The following TRDN variants were observed in gnomAD, a reference collection of about 807,000 sequenced individuals.
TRDN encodes the protein triadin, also known as triadin in skeletal muscle.
In TRDN, 161 loss-of-function variants were observed where a neutral mutation model predicts 149.7. The observed-to-expected ratio is 1.08, with a 90% confidence interval of 0.95 to 1.23. TRDN has a LOEUF of 1.23. Among genes scored for constraint, TRDN ranks in the 50% most tolerant of loss-of-function variants. The pLI is 0.00. For missense variants in TRDN, 896 were observed against 823.5 expected (o/e 1.09, Z -1.08); for synonymous variants, 294 against 250.5 (o/e 1.17, Z -1.64).
chr6:123,268,253 C>T (rs1285753482), intron 31 of TRDN, among the ~76,000 whole-genome samples: 2 of 151,944 alleles, frequency 1.3e-5, no homozygotes, highest in Non-Finnish European at 2.9e-5. Context: ...GAGAGTGCCA[C>T]ATTTTGTATT....
Position 123,225,872 on chromosome 6 carries a change from G to A in TRDN, c.1976-1741C>T, listed in dbSNP as rs74821659. ...TGAGGCAATTCTAATGCAATATAAC[G>A]GAATGATGCTTTAATTTTTAACATT... On this transcript the variant is annotated intron_variant, in intron 38 of 40. Coordinates refer to ENST00000334268, the MANE Select transcript of TRDN (RefSeq NM_006073.4). Among the ~76,000 whole-genome samples, 108 of 151,698 alleles carry A rather than the reference G, an allele frequency of 7.1e-4. 2 individuals are homozygous for A. In the East Asian group the frequency reaches 0.019, roughly 27 times the overall value.
chr6:123,531,552 G>A (rs1383750679), intron 4 of TRDN, among the ~76,000 whole-genome samples: 1 of 152,064 alleles, frequency 6.6e-6, no homozygotes, highest in Non-Finnish European at 1.5e-5. Context: ...AACCACCATT[G>A]TGAAGGTTTT....
chr6:123,570,858 AG>A lies in TRDN; in HGVS notation c.232+64del, dbSNP rs1453147583. On this transcript the variant is annotated intron_variant, in intron 2 of 40. Coordinates refer to ENST00000334268, the MANE Select transcript of TRDN (RefSeq NM_006073.4). ...GAAACAGAAACCAAGCAGGAACTGGAGGGGACACTGTTTCTTTCCATTTGAA... is the reference window on the plus strand; with the variant it reads ...GAAACAGAAACCAAGCAGGAACTGGAGGGACACTGTTTCTTTCCATTTGAA... 2.7e-6 allele frequency: 4 copies of A among 1,465,712 alleles called. No individual in the cohort carries two copies. The Admixed American group carries it at 5.2e-5, about 19-fold the overall frequency. 90.8% of individuals were successfully genotyped at this position (1,465,712 alleles called of 1,614,324 possible).
intron 40 of TRDN, among the ~76,000 whole-genome samples, chr6:123,221,249 C>T (rs573543440): frequency 2.6e-4 from 39 of 151,856 alleles, no homozygotes; most frequent in African/African-American, 8.9e-4. Flanking sequence ...GAAGGATTTG[C>T]GATAAATGCC....
intron 16 of TRDN, among the ~76,000 whole-genome samples, chr6:123,379,569 T>C (rs1339748866): frequency 6.6e-6 from 1 of 152,146 alleles, no homozygotes; most frequent in African/African-American, 2.4e-5. Context: ...GGAAGCAGAT[T>C]TGGACATGCA....
intron 10 of TRDN, chr6:123,464,128 CAG>C (rs1562327626): frequency 2.2e-6 from 1 of 461,868 alleles, no homozygotes; most frequent in African/African-American, 2.1e-5. Context: ...TGAGTCTTGA[CAG>C]AGAAGGAACT....
intron 20 of TRDN, among the ~76,000 whole-genome samples, chr6:123,354,910 A>T (rs1336158955): frequency 2.0e-5 from 3 of 151,740 alleles, no homozygotes; most frequent in Non-Finnish European, 4.4e-5. Flanking sequence ...AAATAAAATA[A>T]ATAAAATAAC....
At chr6:123,394,336 A>C (rs1772634547) in intron 12 of TRDN, among the ~76,000 whole-genome samples, 2 of 152,186 alleles carry the variant, frequency 1.3e-5, no homozygotes, top group South Asian at 2.1e-4. Context: ...TAAACATTTA[A>C]ATATACTTAA....
chr6:123,254,990 T>C (rs1271715044), intron 37 of TRDN, 91 bp downstream of exon 37: 11 of 803,838 alleles, frequency 1.4e-5, no homozygotes, highest in Non-Finnish European at 2.2e-5. Flanking sequence ...TCTAGATTTC[T>C]TTGTTCCAAA....
intron 12 of TRDN, among the ~76,000 whole-genome samples, chr6:123,397,273 G>A (rs1772771581): frequency 6.6e-6 from 1 of 152,170 alleles, no homozygotes; most frequent in African/African-American, 2.4e-5. Context: ...ATGAGTAGCA[G>A]CAGATGGTAA....
At chr6:123,443,257 C>G (rs1775045497) in intron 10 of TRDN, among the ~76,000 whole-genome samples, 1 of 144,014 alleles carries the variant, frequency 6.9e-6, no homozygotes. Flanking sequence ...TTTTTTTGGA[C>G]AAGTGATGAT....
Position 123,273,006 on chromosome 6 carries a change from C to G in TRDN, c.1630G>C (p.Asp544His). 1 of 1,507,638 alleles carries G rather than the reference C, an allele frequency of 6.6e-7. No homozygotes were observed. The highest frequency in any genetic ancestry group is 1.3e-5 in the South Asian group (1 of 76,042). The allele number at this position is 1,507,638 out of a possible 1,614,324, so 93.4% of individuals were successfully genotyped here. ...ACAGTCTTTTCTGGTTTCACTATGT[C>G]TTGTTCTGAAAATAATAAAAAGAAA... ...ISEKVQIHKQDIVKPEKTVSH... is the reference protein window; with the variant it reads ...ISEKVQIHKQHIVKPEKTVSH... Residue 544 changes from aspartate (D) to histidine (H), a missense_variant, in exon 29 of 41, where the codon GAC becomes CAC. By Grantham distance (81) the Asp-to-His change is moderately conservative. Coordinates refer to ENST00000334268, the MANE Select transcript of TRDN (RefSeq NM_006073.4).
chr6:123,490,961 A>T (rs1383984756), intron 9 of TRDN, among the ~76,000 whole-genome samples: 1 of 151,904 alleles, frequency 6.6e-6, no homozygotes, highest in African/African-American at 2.4e-5. Flanking sequence ...AAAAAATTAG[A>T]TGGGCACGGT....
At chr6:123,256,479 C>T (rs1458574178) in intron 35 of TRDN, among the ~76,000 whole-genome samples, 1 of 152,156 alleles carries the variant, frequency 6.6e-6, no homozygotes, top group East Asian at 1.9e-4. Context: ...ATCTCCACAT[C>T]ATCTCCAGCA....
At chr6:123,460,744 A>G (rs796435731) in intron 10 of TRDN, among the ~76,000 whole-genome samples, 21 of 152,216 alleles carry the variant, frequency 1.4e-4, no homozygotes, top group African/African-American at 5.1e-4. Flanking sequence ...TAGCTCCTGT[A>G]GAATATTGTC....
At chr6:123,367,758 A>G (rs984467761) in intron 19 of TRDN, among the ~76,000 whole-genome samples, 1 of 152,186 alleles carries the variant, frequency 6.6e-6, no homozygotes, top group African/African-American at 2.4e-5. Context: ...TATTCTGAGA[A>G]CCTGCATTTC....
chr6:123,593,698 C>T lies in TRDN; in HGVS notation c.23-22566G>A, dbSNP rs566000161. ...CCAGTTATAATGGATTGGATCACACCTTAATGACCTAATTTTAACTTGATT... is the reference window on the plus strand; with the variant it reads ...CCAGTTATAATGGATTGGATCACACTTTAATGACCTAATTTTAACTTGATT... On this transcript the variant is annotated intron_variant, in intron 1 of 40. Transcript: ENST00000334268. 1.2e-3 allele frequency among the ~76,000 whole-genome samples: 187 copies of T among 152,248 alleles called. 1 individual carries two copies. Among genetic ancestry groups the T allele is most frequent in the African/African-American group, 4.3e-3 (177 of 41,548 alleles).
At chr6:123,529,335 C>A in intron 5 of TRDN, 1 of 1,548,542 alleles carries the variant, frequency 6.5e-7, no homozygotes, top group Non-Finnish European at 8.7e-7. Flanking sequence ...GGAAAGAGAA[C>A]AGTAAGGAGA....
At chr6:123,232,622 C>G in intron 38 of TRDN, among the ~76,000 whole-genome samples, 1 of 151,610 alleles carries the variant, frequency 6.6e-6, no homozygotes, top group South Asian at 2.1e-4. Context: ...AGGGAGAAAG[C>G]AAGAGAGGAT....
Sources: gnomAD v4.1 joint callset for allele counts (sites outside exome capture counted in the v4.1 genomes callset) on GRCh38, gnomAD v4.1.1 for gene constraint, MANE v1.5 for transcripts, NCBI Gene and HGNC (gene_info 2026-07-23, HGNC 2026-07-21) for gene names.